The following MSTO1 variants were observed in gnomAD, a reference collection of about 807,000 sequenced individuals.
MSTO1 encodes the protein misato mitochondrial distribution and morphology regulator 1.
In MSTO1, 24 loss-of-function variants were observed where a neutral mutation model predicts 55.7. That is an observed-to-expected ratio of 0.43 (90% CI 0.31 to 0.61). MSTO1 has a LOEUF of 0.61. Among genes scored for constraint, MSTO1 ranks in the 20% least tolerant of loss-of-function variants. The pLI is 0.09. For missense variants in MSTO1, 363 were observed against 625.7 expected, an observed-to-expected ratio of 0.58 and a Z score of 4.48; for synonymous variants, 162 against 252.8, an observed-to-expected ratio of 0.64 and a Z score of 3.41.
chr1:155,569,809 A>G, the MSTO1 span, among the ~76,000 whole-genome samples: 1 of 151,790 alleles, frequency 6.6e-6, no homozygotes, highest in Non-Finnish European at 1.5e-5. Context: ...AATGTTGTGG[A>G]TTTGAGATTT....
chr1:155,602,033 T>C, the MSTO1 span: 35 of 541,046 alleles, frequency 6.5e-5, 1 homozygote, highest in South Asian at 4.6e-4. Flanking sequence ...GGATTACAGG[T>C]ATGAGCCGCC....
At chr1:155,586,060 A>G in the MSTO1 span, among the ~76,000 whole-genome samples, 1 of 152,136 alleles carries the variant, frequency 6.6e-6, no homozygotes, top group Admixed American at 6.6e-5. Context: ...CTATGACTGT[A>G]TCTATCCAAT....
the MSTO1 span, among the ~76,000 whole-genome samples, chr1:155,578,336 CTTTTTTTTTTTTTTTT>C: frequency 6.8e-5 from 3 of 44,294 alleles, no homozygotes; most frequent in South Asian, 1.3e-3. Context: ...AACTACCTTT[CTTTTTTTTTTTTTTTT>C]TTTTTTTTTT....
chr1:155,576,420 G>A, the MSTO1 span, among the ~76,000 whole-genome samples: 41 of 151,846 alleles, frequency 2.7e-4, no homozygotes, highest in African/African-American at 6.3e-4. Flanking sequence ...TCCGCCTCCC[G>A]GGTTCAAGTG....
the MSTO1 span, among the ~76,000 whole-genome samples, chr1:155,573,071 G>C: frequency 6.6e-6 from 1 of 152,136 alleles, no homozygotes; most frequent in Non-Finnish European, 1.5e-5. Flanking sequence ...TGTTTAATTG[G>C]TTGAATAACC....
At chr1:155,580,839 G>T in the MSTO1 span, among the ~76,000 whole-genome samples, 2 of 147,972 alleles carry the variant, frequency 1.4e-5, no homozygotes, top group African/African-American at 5.0e-5. Context: ...AGCCCAGGAG[G>T]CAGAGGTTGC....
At chr1:155,606,034 AC>A (rs1672928145), upstream of MSTO1, among the ~76,000 whole-genome samples, 1 of 151,818 alleles carries the variant, frequency 6.6e-6, no homozygotes, top group South Asian at 2.1e-4. Flanking sequence ...AGTAGATCCA[AC>A]TTTTTTTTTC....
the MSTO1 span, among the ~76,000 whole-genome samples, chr1:155,604,142 T>C: frequency 2.0e-5 from 3 of 152,196 alleles, no homozygotes; most frequent in African/African-American, 7.2e-5. Flanking sequence ...GTCATTATAT[T>C]TGACCCCTGA....
the MSTO1 span, among the ~76,000 whole-genome samples, chr1:155,588,081 C>T: frequency 1.3e-5 from 2 of 151,722 alleles, no homozygotes; most frequent in East Asian, 1.9e-4. Flanking sequence ...TGGTGCCAGG[C>T]GCCTGTAATC....
At chr1:155,592,512 T>C in the MSTO1 span, among the ~76,000 whole-genome samples, 382 of 152,326 alleles carry the variant, frequency 2.5e-3, no homozygotes, top group Admixed American at 4.1e-3. Flanking sequence ...AATTTACAGT[T>C]ATACATTCTC....
At chr1:155,595,185 T>G in the MSTO1 span, among the ~76,000 whole-genome samples, 3 of 148,576 alleles carry the variant, frequency 2.0e-5, no homozygotes, top group East Asian at 4.0e-4. Flanking sequence ...TGTTTTTTTT[T>G]TTTTTTTTTT....
At chr1:155,609,468 T>C (rs1377032599), upstream of MSTO1, among the ~76,000 whole-genome samples, 1 of 150,306 alleles carries the variant, frequency 6.7e-6, no homozygotes, top group Non-Finnish European at 1.5e-5. Context: ...CAGGATGGTC[T>C]CGATCTCTTG....
chr1:155,591,239 G>C, the MSTO1 span: 1 of 1,608,782 alleles, frequency 6.2e-7, no homozygotes. Context: ...CGACTCCCAG[G>C]ATCTGCATTC....
chr1:155,605,466 A>G (rs891475879), upstream of MSTO1, among the ~76,000 whole-genome samples: 1 of 152,182 alleles, frequency 6.6e-6, no homozygotes, highest in Non-Finnish European at 1.5e-5. Context: ...TAAACTTTAA[A>G]TACTCCTATA....
chr1:155,583,277 C>T, the MSTO1 span, among the ~76,000 whole-genome samples: 1 of 149,454 alleles, frequency 6.7e-6, no homozygotes, highest in East Asian at 2.0e-4. Flanking sequence ...TAGTGGCTCA[C>T]ACCTGCAATC....
intron 8 of MSTO1, 32 bp from the exon 9 acceptor site, chr1:155,612,386 C>G (rs767519939): frequency 1.3e-6 from 2 of 1,589,868 alleles, no homozygotes; most frequent in Non-Finnish European, 1.7e-6. Flanking sequence ...AGTGGGAGAG[C>G]TGCTTAATAC....
chr1:155,604,124 T>C, the MSTO1 span, among the ~76,000 whole-genome samples: 2 of 152,110 alleles, frequency 1.3e-5, no homozygotes, highest in African/African-American at 4.8e-5. Context: ...AAGTAGAAAA[T>C]ACATCAGGTC....
chr1:155,583,875 A>C, the MSTO1 span, among the ~76,000 whole-genome samples: 3 of 152,264 alleles, frequency 2.0e-5, no homozygotes, highest in South Asian at 6.2e-4. Context: ...TCTGGGGAGC[A>C]CAGTGGGGCA....
the MSTO1 span, among the ~76,000 whole-genome samples, chr1:155,580,039 G>T: frequency 6.6e-6 from 1 of 150,452 alleles, no homozygotes; most frequent in Non-Finnish European, 1.5e-5. Context: ...TCGGGCCACT[G>T]CCCTCCAGCC....
Sources: gnomAD v4.1 joint callset for allele counts (sites outside exome capture counted in the v4.1 genomes callset) on GRCh38, gnomAD v4.1.1 for gene constraint, MANE v1.5 for transcripts, NCBI Gene and HGNC (gene_info 2026-07-23, HGNC 2026-07-21) for gene names.